WDR19: variants seen among roughly 807,000 people sequenced by gnomAD.
WDR19 encodes WD repeat domain 19.
A neutral mutation model predicts 180.0 loss-of-function variants in WDR19; 121 were observed. The observed-to-expected ratio is 0.67, with a 90% confidence interval of 0.58 to 0.78. WDR19 has a LOEUF of 0.78. WDR19 is among the 30% of genes least tolerant of loss of function. WDR19 has a pLI of 0.00. For synonymous variants in WDR19, 497 were observed against 540.7 expected (o/e 0.92, Z 1.12); for missense variants, 1,450 against 1,640.7 (o/e 0.88, Z 2.01).
chr4:39,199,901 A>C (rs1273112274), intron 6 of WDR19, among the ~76,000 whole-genome samples: 1 of 152,238 alleles, frequency 6.6e-6, no homozygotes, highest in East Asian at 1.9e-4. Context: ...ATGTGTATTT[A>C]TAATACAAAT....
intron 6 of WDR19, among the ~76,000 whole-genome samples, chr4:39,202,723 T>A (rs1407866601): frequency 2.0e-5 from 3 of 152,134 alleles, no homozygotes; most frequent in African/African-American, 4.8e-5. Flanking sequence ...TAAAAAATTC[T>A]TTTCTCATAT....
At position 39,214,627 on chromosome 4, in the gene WDR19, TAAA is replaced by T; in HGVS notation, c.919_921del (p.Lys307del). On this transcript the variant is annotated inframe_deletion, in exon 10 of 37. Transcript: ENST00000399820. Reference sequence around the variant, plus strand: ...ATTAAAATCCAAGACTTGGTTGACTTAAAAGACATGTATGTTATACTCAACCTG... The same window carrying T: ...ATTAAAATCCAAGACTTGGTTGACTTAGACATGTATGTTATACTCAACCTG... The T allele has an allele frequency of 4.4e-6, 7 of 1,580,412 alleles. No individual in the cohort carries two copies. Among genetic ancestry groups the T allele is most frequent in the Non-Finnish European group, 6.0e-6 (7 of 1,160,592 alleles).
chr4:39,215,436 G>A lies in WDR19; in HGVS notation c.962-405G>A, dbSNP rs115548160. On this transcript the variant is annotated intron_variant, in intron 10 of 36. Coordinates refer to ENST00000399820, the MANE Select transcript of WDR19 (RefSeq NM_025132.4). ...TACTGCTGTGTTACATTTGCCTGCA[G>A]TGTTCAGTACAGTAACATGCCATAC... Among the ~76,000 whole-genome samples the A allele has an allele frequency of 1.8e-3, 270 of 152,100 alleles. 1 individual carries two copies. Among genetic ancestry groups the A allele is most frequent in the African/African-American group, 6.2e-3 (259 of 41,486 alleles).
chr4:39,234,988 A>G (rs1731238165), intron 20 of WDR19, 113 bp downstream of exon 20: 4 of 640,308 alleles, frequency 6.2e-6, no homozygotes, highest in Admixed American at 5.8e-5. Flanking sequence ...TTTTTTAGAG[A>G]AAAAATACTG....
chr4:39,187,255 C>G (rs1051817668), intron 3 of WDR19, among the ~76,000 whole-genome samples: 12 of 151,896 alleles, frequency 7.9e-5, no homozygotes, highest in Non-Finnish European at 1.3e-4. Context: ...CTCGTCTCCA[C>G]TAAAAATACA....
At chr4:39,271,781 A>C (rs1483315158) in intron 31 of WDR19, among the ~76,000 whole-genome samples, 1 of 152,136 alleles carries the variant, frequency 6.6e-6, no homozygotes, top group Non-Finnish European at 1.5e-5. Context: ...TTTACATCCT[A>C]ATTATTGTCT....
chr4:39,262,443 G>A (rs1351879942), intron 28 of WDR19, among the ~76,000 whole-genome samples: 1 of 152,076 alleles, frequency 6.6e-6, no homozygotes, highest in African/African-American at 2.4e-5. Flanking sequence ...TTTTTGCTAT[G>A]TTGCCTTGGC....
At chr4:39,263,228 G>A (rs1461121094) in intron 28 of WDR19, among the ~76,000 whole-genome samples, 1 of 152,048 alleles carries the variant, frequency 6.6e-6, no homozygotes, top group Non-Finnish European at 1.5e-5. Flanking sequence ...TTACCTCCTT[G>A]CACTCAGCTT....
At chr4:39,189,438 A>G (rs189385823) in intron 3 of WDR19, among the ~76,000 whole-genome samples, 57 of 152,336 alleles carry the variant, frequency 3.7e-4, no homozygotes, top group African/African-American at 1.3e-3. Context: ...TGAAAATGGT[A>G]TTAAAAGTAA....
At chr4:39,252,399 C>G (rs1733319700) in intron 24 of WDR19, among the ~76,000 whole-genome samples, 1 of 149,910 alleles carries the variant, frequency 6.7e-6, no homozygotes. Context: ...AGGTGATATA[C>G]CTAATGCTAA....
At chr4:39,270,672 T>C (rs1735275449) in intron 31 of WDR19, among the ~76,000 whole-genome samples, 1 of 151,430 alleles carries the variant, frequency 6.6e-6, no homozygotes, top group South Asian at 2.1e-4. Context: ...GCCACCACGC[T>C]CAGCTTTCTT....
chr4:39,268,822 CAGAGTTGGACGGGA>C lies in WDR19; in HGVS notation c.3358+732_3358+745del, dbSNP rs1362179191. Among the ~76,000 whole-genome samples, 7 of 152,226 alleles carry C rather than the reference CAGAGTTGGACGGGA, an allele frequency of 4.6e-5. No homozygotes were observed. In the East Asian group the frequency reaches 1.3e-3, roughly 29 times the overall value. ...TGATGGGAGAGACAGAAAGTAAATT[CAGAGTTGGACGGGA>C]TGACAAGTGCCAGACTAGAAAGAGA... On this transcript the variant is annotated intron_variant, in intron 30 of 36. Coordinates refer to ENST00000399820, the MANE Select transcript of WDR19 (RefSeq NM_025132.4).
intron 9 of WDR19, among the ~76,000 whole-genome samples, chr4:39,208,481 A>G (rs951202307): frequency 6.6e-6 from 1 of 151,810 alleles, no homozygotes; most frequent in Non-Finnish European, 1.5e-5. Context: ...TAATTTTTGT[A>G]TTTTTAGTAG....
chr4:39,277,148 G>C lies in WDR19; in HGVS notation c.3840+5G>C, dbSNP rs2109521955. ...ATCCCATATTGCATTGCAACAGTGA[G>C]TTCCTTTATAGTAATTTCCCTTTCT... On this transcript the variant is annotated splice_donor_5th_base_variant and intron_variant, in intron 34 of 36. Coordinates refer to ENST00000399820, the MANE Select transcript of WDR19 (RefSeq NM_025132.4). 6.3e-7 allele frequency: 1 copy of C among 1,597,028 alleles called. No homozygotes were observed. Among genetic ancestry groups the C allele is most frequent in the East Asian group, 2.2e-5 (1 of 44,482 alleles).
At chr4:39,261,829 T>C (rs7668367) in intron 28 of WDR19, among the ~76,000 whole-genome samples, 1 of 152,252 alleles carries the variant, frequency 6.6e-6, no homozygotes. Flanking sequence ...TAATGGACTT[T>C]GTTAAATTTT....
intron 13 of WDR19, 79 bp downstream of exon 13, chr4:39,217,319 C>A: frequency 8.2e-7 from 1 of 1,213,648 alleles, no homozygotes; most frequent in Non-Finnish European, 1.2e-6. Context: ...GAATATTGGT[C>A]AGGAAGCAAG....
chr4:39,184,012 C>T (rs771764251), intron 1 of WDR19, among the ~76,000 whole-genome samples: 1 of 152,162 alleles, frequency 6.6e-6, no homozygotes, highest in African/African-American at 2.4e-5. Context: ...TTTAAATATT[C>T]TTTCTTCATG....
chr4:39,185,559 ATTTTG>A (rs1577818831), intron 1 of WDR19, 162 bp from the exon 2 acceptor site: 6 of 565,768 alleles, frequency 1.1e-5, no homozygotes, highest in East Asian at 9.4e-5. Context: ...TGGTTGGTTG[ATTTTG>A]TTTTATTTCT....
At chr4:39,212,648 T>G (rs1728672435) in intron 9 of WDR19, among the ~76,000 whole-genome samples, 1 of 151,724 alleles carries the variant, frequency 6.6e-6, no homozygotes, top group Non-Finnish European at 1.5e-5. Flanking sequence ...AACAAATAAA[T>G]AAGATGAAAA....
Sources: allele counts gnomAD v4.1 joint callset (sites outside exome capture counted in the v4.1 genomes callset), GRCh38; gene constraint gnomAD v4.1.1; transcripts MANE v1.5; gene names NCBI Gene and HGNC (gene_info 2026-07-23, HGNC 2026-07-21).